Variants in PSME4 observed in about 807,000 individuals in gnomAD.
The protein encoded by PSME4 is proteasome activator subunit 4.
Under a neutral mutation model 253.9 loss-of-function variants are expected in PSME4, and 89 were observed. That is an observed-to-expected ratio of 0.35 (90% CI 0.30 to 0.42). The LOEUF is 0.42. Among genes scored for constraint, PSME4 ranks in the 10% least tolerant of loss-of-function variants. The pLI is 1.00. For missense variants in PSME4, 2,014 were observed against 2,195.2 expected (o/e 0.92, Z 1.65); for synonymous variants, 851 against 759.2 (o/e 1.12, Z -1.99).
At chr2:53,922,422 A>T in intron 17 of PSME4, 95 bp downstream of exon 17, 1 of 1,320,284 alleles carries the variant, frequency 7.6e-7, no homozygotes, top group South Asian at 1.3e-5. Flanking sequence ...CTGACTTTTC[A>T]TATGTTTTAA....
chr2:53,894,321 G>A (rs1280718199), intron 34 of PSME4, among the ~76,000 whole-genome samples: 2 of 152,044 alleles, frequency 1.3e-5, no homozygotes, highest in African/African-American at 2.4e-5. Context: ...ATCCAGGCTG[G>A]AGTGCAGTGG....
intron 41 of PSME4, among the ~76,000 whole-genome samples, chr2:53,881,866 G>C (rs1181523517): frequency 6.6e-6 from 1 of 152,210 alleles, no homozygotes; most frequent in South Asian, 2.1e-4. Flanking sequence ...TTACAGGCGT[G>C]AGCCACTGTG....
At chr2:53,866,255 C>A (rs1433057246) in intron 45 of PSME4, 32 bp from the exon 46 acceptor site, 1 of 1,608,978 alleles carries the variant, frequency 6.2e-7, no homozygotes, top group Non-Finnish European at 8.5e-7. Context: ...TACGTTTTAA[C>A]CTCTCTGGAC....
intron 43 of PSME4, among the ~76,000 whole-genome samples, chr2:53,871,288 G>A (rs1175706703): frequency 6.6e-6 from 1 of 151,554 alleles, no homozygotes; most frequent in African/African-American, 2.4e-5. Flanking sequence ...GTCTCGCTCT[G>A]TCACCAGGAT....
intron 21 of PSME4, among the ~76,000 whole-genome samples, chr2:53,909,686 A>C (rs968142038): frequency 6.6e-6 from 1 of 152,196 alleles, no homozygotes; most frequent in African/African-American, 2.4e-5. Flanking sequence ...TAGGCCGGGC[A>C]GGGTGGCTCA....
chr2:53,908,099 GACTGTCATGGAA>G, intron 24 of PSME4: 1 of 487,964 alleles, frequency 2.0e-6, no homozygotes, highest in East Asian at 3.4e-5. Context: ...AGAGTTTAGA[GACTGTCATGGAA>G]ACAGGCAGAA....
intron 42 of PSME4, 43 bp from the exon 43 acceptor site, chr2:53,874,537 A>G: frequency 6.4e-7 from 1 of 1,570,082 alleles, no homozygotes; most frequent in African/African-American, 1.4e-5. Context: ...CAGTACTGAC[A>G]AGAACATGAG....
chr2:53,939,477 A>G (rs562173020), intron 4 of PSME4, among the ~76,000 whole-genome samples: 1 of 152,312 alleles, frequency 6.6e-6, no homozygotes, highest in African/African-American at 2.4e-5. Flanking sequence ...TATAATCCCA[A>G]TGCTTTGGGA....
intron 30 of PSME4, 74 bp from the exon 31 acceptor site, chr2:53,898,073 C>A: frequency 8.8e-6 from 13 of 1,484,606 alleles, no homozygotes; most frequent in Middle Eastern, 1.8e-4. Context: ...ATGTGAAACA[C>A]CTTATAATTT....
rs192448165 is a variant in PSME4, at chr2:53,864,708, T to C, written c.*870A>G. On this transcript the variant is annotated 3_prime_UTR_variant, in exon 47 of 47. Coordinates refer to ENST00000404125, the MANE Select transcript of PSME4 (RefSeq NM_014614.3). ...TAAGCCTTATTAGTCTCTCAACGAT[T>C]CTGCAGGCAAAATAAAAAGGGAGAG... The C allele has an allele frequency of 6.5e-6, 1 of 152,702 alleles. No individual in the cohort carries two copies. The highest frequency in any genetic ancestry group is 1.9e-4 in the East Asian group (1 of 5,182). The allele number at this position is 152,702 out of a possible 1,614,324, so 9.5% of individuals were successfully genotyped here. A position where few individuals can be genotyped will look rare whatever the true frequency, so the allele number is the denominator to read the frequency against.
chr2:53,922,264 C>T (rs1221286662), intron 17 of PSME4, among the ~76,000 whole-genome samples: 1 of 152,100 alleles, frequency 6.6e-6, no homozygotes, highest in Non-Finnish European at 1.5e-5. Flanking sequence ...ATCTGATCAA[C>T]TTTTTCAATT....
In PSME4 at chr2:53,920,206, G is replaced by A. The variant is rs771521012; in HGVS notation, c.2407C>T (p.Leu803Phe). Residue 803 changes from leucine to phenylalanine, a missense_variant, in exon 19 of 47, where the codon CTT becomes TTT. Leu to Phe is a conservative substitution (Grantham distance 22). Around this residue, in one of 4 missense-constraint regions of PSME4, gnomAD observed 989 missense variants for 1,021.1 expected, o/e 0.97. Coordinates refer to ENST00000404125, the MANE Select transcript of PSME4 (RefSeq NM_014614.3). ...VKLQHCGDGKLEMSRDDILQS... is the reference protein window; with the variant it reads ...VKLQHCGDGKFEMSRDDILQS... ...AATAAAACCAACCTAGACATTTCAA[G>A]TTTTCCATCCCCACAATGCTGGAGT... The A allele has an allele frequency of 6.2e-7, 1 of 1,607,358 alleles. No homozygotes were observed. Among genetic ancestry groups the A allele is most frequent in the East Asian group, 2.2e-5 (1 of 44,840 alleles).
At chr2:53,890,244 ACACT>A in intron 36 of PSME4, 36 bp from the exon 37 acceptor site, 1 of 1,359,286 alleles carries the variant, frequency 7.4e-7, no homozygotes, top group Non-Finnish European at 1.0e-6. Flanking sequence ...AGAGTTAATG[ACACT>A]CAGAACATTT....
chr2:53,889,393 T>C (rs764601465), intron 37 of PSME4, among the ~76,000 whole-genome samples: 1 of 152,018 alleles, frequency 6.6e-6, no homozygotes, highest in Non-Finnish European at 1.5e-5. Flanking sequence ...GCTATGTAAA[T>C]AGCTGTTATA....
At chr2:53,955,759 A>C (rs1195819964) in intron 1 of PSME4, among the ~76,000 whole-genome samples, 1 of 151,760 alleles carries the variant, frequency 6.6e-6, no homozygotes, top group Non-Finnish European at 1.5e-5. Flanking sequence ...TCGTGCCTAC[A>C]AGATATACAA....
In PSME4 at chr2:53,869,580, C is replaced by A. The variant is rs749025798; in HGVS notation, c.5101-42G>T. The A allele has an allele frequency of 1.8e-5, 25 of 1,416,706 alleles. 1 individual carries two copies. The South Asian group carries it at 3.9e-4, about 22-fold the overall frequency. The allele number at this position is 1,416,706 out of a possible 1,614,324, so 87.8% of individuals were successfully genotyped here. On this transcript the variant is annotated intron_variant, in intron 43 of 46. Coordinates refer to ENST00000404125, the MANE Select transcript of PSME4 (RefSeq NM_014614.3). ...TTCTATTAGGACTGACATTCTAAGT[C>A]TGAGGGAATAATGGAGGATAGGGGG...
At chr2:53,964,310 C>G (rs1670620885) in intron 1 of PSME4, among the ~76,000 whole-genome samples, 1 of 152,092 alleles carries the variant, frequency 6.6e-6, no homozygotes, top group African/African-American at 2.4e-5. Context: ...TGCTGTGAAC[C>G]TAAAATTGCT....
chr2:53,893,624 C>T (rs751298008), intron 35 of PSME4, 50 bp downstream of exon 35: 5 of 1,589,230 alleles, frequency 3.1e-6, no homozygotes, highest in Non-Finnish European at 4.3e-6. Context: ...AACCTACGAA[C>T]TGAATAGTTA....
chr2:53,944,681 G>T (rs567583271), intron 3 of PSME4, among the ~76,000 whole-genome samples: 2 of 152,010 alleles, frequency 1.3e-5, no homozygotes, highest in Non-Finnish European at 2.9e-5. Flanking sequence ...TGAGCTGCTG[G>T]TAGTAATTTA....
Sources: gnomAD v4.1 joint callset for allele counts (sites outside exome capture counted in the v4.1 genomes callset) on GRCh38, gnomAD v4.1.1 for gene constraint, gnomAD v4.1.1 regional missense constraint, MANE v1.5 for transcripts, NCBI Gene and HGNC (gene_info 2026-07-23, HGNC 2026-07-21) for gene names.